Variants in WDPCP observed in about 807,000 individuals in gnomAD.
The protein encoded by WDPCP is WD repeat containing planar cell polarity effector, also known as WD repeat-containing and planar cell polarity effector protein fritz homolog.
Under a neutral mutation model 93.1 loss-of-function variants are expected in WDPCP, and 71 were observed. The observed-to-expected ratio is 0.76, with a 90% CI of 0.63 to 0.93. The LOEUF is 0.93. WDPCP is among the 40% of genes least tolerant of loss of function. The pLI is 0.00. For missense variants in WDPCP, 844 were observed against 887.4 expected, an observed-to-expected ratio of 0.95 and a Z score of 0.62; for synonymous variants, 315 against 315.0, an observed-to-expected ratio of 1.00 and a Z score of 0.00.
Position 63,121,778 on chromosome 2 carries a change from A to G in WDPCP, c.*228T>C. The G allele has an allele frequency of 8.7e-7, 1 of 1,144,638 alleles. No individual in the cohort carries two copies. Among genetic ancestry groups the G allele is most frequent in the Non-Finnish European group, 1.2e-6 (1 of 861,426 alleles). The allele number at this position is 1,144,638 out of a possible 1,614,324, so 70.9% of individuals were successfully genotyped here. Reference sequence around the variant, plus strand: ...ACACTTTCAAAATTTTACATTATTGAAAATAAGTAGGTTGAAGACTTTTAC... The same window carrying G: ...ACACTTTCAAAATTTTACATTATTGGAAATAAGTAGGTTGAAGACTTTTAC... On this transcript the variant is annotated 3_prime_UTR_variant, in exon 18 of 18. Transcript: ENST00000272321.
intron 2 of WDPCP, among the ~76,000 whole-genome samples, chr2:63,708,834 T>A (rs962539875): frequency 1.3e-5 from 2 of 151,672 alleles, no homozygotes; most frequent in Non-Finnish European, 2.9e-5. Flanking sequence ...ATGGTCTGGA[T>A]CTCCTGACCT....
intron 2 of WDPCP, among the ~76,000 whole-genome samples, chr2:63,722,453 C>A (rs1031388886): frequency 6.7e-6 from 1 of 149,478 alleles, no homozygotes; most frequent in African/African-American, 2.5e-5. Flanking sequence ...CATCTCTGCC[C>A]GGCCGCCCCG....
In WDPCP at chr2:63,733,097, T is replaced by C. The variant is rs150720090; in HGVS notation, n.308+80525A>G. ...TATAAATGGGTATAAAATATAAGTATGTTTGGAAAGAAAACATTTGAGAAC... is the reference window on the plus strand; with the variant it reads ...TATAAATGGGTATAAAATATAAGTACGTTTGGAAAGAAAACATTTGAGAAC... On this transcript the variant is annotated intron_variant and non_coding_transcript_variant, in intron 2 of 4. Coordinates refer to the WDPCP transcript ENST00000467687. 1.2e-4 allele frequency among the ~76,000 whole-genome samples: 18 copies of C among 152,036 alleles called. No homozygotes were observed. In the East Asian group the frequency reaches 3.5e-3, roughly 29 times the overall value.
At chr2:63,326,172 C>G (rs10169209) in intron 12 of WDPCP, among the ~76,000 whole-genome samples, 121,891 of 152,184 alleles carry the variant, frequency 0.8, 49,687 homozygotes, top group East Asian at 0.96. Flanking sequence ...ACTCCTTGAG[C>G]GACTGGTGCT....
chr2:63,555,408 T>C (rs76996539), intron 1 of WDPCP, among the ~76,000 whole-genome samples: 11 of 152,118 alleles, frequency 7.2e-5, no homozygotes, highest in East Asian at 1.9e-4. Flanking sequence ...ACTTAGTTTT[T>C]CCCCTGCTGT....
At position 63,372,288 on chromosome 2, in the gene WDPCP, T is replaced by C. The variant is rs534175034; in HGVS notation, c.1748+6098A>G. 4.6e-5 allele frequency among the ~76,000 whole-genome samples: 7 copies of C among 152,234 alleles called. No homozygotes were observed. The South Asian group carries it at 1.4e-3, about 32-fold the overall frequency. On this transcript the variant is annotated intron_variant, in intron 12 of 17. Transcript: ENST00000272321. ...AGCCATAAATAATCCACCCCCATGA[T>C]CCAAATACCTCCTACCAAGCCCCAC...
chr2:63,438,823 C>G (rs1697315438), intron 7 of WDPCP, among the ~76,000 whole-genome samples: 1 of 152,108 alleles, frequency 6.6e-6, no homozygotes, highest in South Asian at 2.1e-4. Flanking sequence ...TCCACTAGGA[C>G]ATACTTCCTT....
At chr2:63,245,580 A>G (rs977094896) in intron 14 of WDPCP, among the ~76,000 whole-genome samples, 2 of 152,182 alleles carry the variant, frequency 1.3e-5, no homozygotes, top group African/African-American at 4.8e-5. Context: ...CATGCCATAA[A>G]GCTAAAAATG....
rs115935585 is a variant in WDPCP, at chr2:63,766,956, G to A, written n.308+46666C>T. The stretch of plus-strand genomic sequence containing the variant: ...TATTCTACTTTCTGTCTATGATTTT[G>A]ACTATTCTAAGTTCATCTTGTCCTT... On this transcript the variant is annotated intron_variant and non_coding_transcript_variant, in intron 2 of 4. Transcript: ENST00000467687. 9.8e-3 allele frequency among the ~76,000 whole-genome samples: 1,485 copies of A among 152,116 alleles called. 22 individuals are homozygous for A. Among genetic ancestry groups the A allele is most frequent in the African/African-American group, 0.035 (1,438 of 41,504 alleles).
chr2:63,428,812 A>G (rs1268333051), intron 9 of WDPCP, among the ~76,000 whole-genome samples: 1 of 152,222 alleles, frequency 6.6e-6, no homozygotes, highest in East Asian at 1.9e-4. Flanking sequence ...AAAGAATAAA[A>G]TGCCTAAGAA....
At chr2:63,759,946 CA>C (rs1670031298) in intron 2 of WDPCP, among the ~76,000 whole-genome samples, 1 of 152,214 alleles carries the variant, frequency 6.6e-6, no homozygotes, top group South Asian at 2.1e-4. Flanking sequence ...CCCAAGCCTA[CA>C]CCCAGGGGGT....
At chr2:63,403,199 A>G (rs1474306813) in intron 10 of WDPCP, among the ~76,000 whole-genome samples, 1 of 152,210 alleles carries the variant, frequency 6.6e-6, no homozygotes, top group Non-Finnish European at 1.5e-5. Flanking sequence ...GCATGTTCTC[A>G]CTTATAAGTG....
intron 4 of WDPCP, among the ~76,000 whole-genome samples, 188 bp downstream of exon 4, chr2:63,486,352 TAG>T (rs1307430839): frequency 8.6e-5 from 13 of 151,860 alleles, no homozygotes; most frequent in Non-Finnish European, 1.0e-4. Flanking sequence ...CAAAATTGAA[TAG>T]AGATTTCAAC....
At chr2:63,805,298 T>G (rs1670749046) in intron 2 of WDPCP, among the ~76,000 whole-genome samples, 1 of 152,172 alleles carries the variant, frequency 6.6e-6, no homozygotes, top group Non-Finnish European at 1.5e-5. Context: ...ATTTCAGAAC[T>G]GGAAGGAATC....
At chr2:63,129,776 G>C (rs1249891378) in intron 17 of WDPCP, among the ~76,000 whole-genome samples, 1 of 152,134 alleles carries the variant, frequency 6.6e-6, no homozygotes, top group African/African-American at 2.4e-5. Flanking sequence ...GCAGATGCTT[G>C]TGTCCCTGAT....
At chr2:63,374,052 A>ATT (rs55949475) in intron 12 of WDPCP, among the ~76,000 whole-genome samples, 4 of 135,938 alleles carry the variant, frequency 2.9e-5, no homozygotes, top group East Asian at 2.2e-4. Flanking sequence ...CAAGTTTATG[A>ATT]TTTTTTTTTT....
At position 63,433,840 on chromosome 2, in the gene WDPCP, G is replaced by A. The variant is rs1177072150; in HGVS notation, c.730C>T (p.Leu244=). 1 of 1,614,000 alleles carries A rather than the reference G, an allele frequency of 6.2e-7. No homozygotes were observed. Among genetic ancestry groups the A allele is most frequent in the South Asian group, 1.1e-5 (1 of 91,064 alleles). The change falls in exon 9 of 18, where the codon CTG becomes TTG. Residue 244 remains leucine (L), a synonymous_variant. Transcript: ENST00000272321. The part of the protein sequence containing the change: ...VHDRVVCWWP[L]VNDDAWPWAP... ...CAAGGCCAAGCATCATCGTTGACCA[G>A]TGGCCACCAGCAAACAACTCTATCA...
chr2:63,567,820 T>C (rs1484158220), intron 1 of WDPCP, among the ~76,000 whole-genome samples: 1 of 152,230 alleles, frequency 6.6e-6, no homozygotes, highest in Non-Finnish European at 1.5e-5. Flanking sequence ...TAGTTGACCA[T>C]TGTTTGGCCA....
intron 12 of WDPCP, among the ~76,000 whole-genome samples, chr2:63,366,393 C>A (rs959446922): frequency 3.3e-5 from 5 of 151,836 alleles, no homozygotes; most frequent in African/African-American, 4.8e-5. Context: ...TATTTTTCCT[C>A]CTTTGAGAGG....
Sources: allele counts gnomAD v4.1 joint callset (sites outside exome capture counted in the v4.1 genomes callset), GRCh38; gene constraint gnomAD v4.1.1; transcripts MANE v1.5; gene names NCBI Gene and HGNC (gene_info 2026-07-23, HGNC 2026-07-21).